Variants in CNTNAP4 observed in about 807,000 individuals in gnomAD.
CNTNAP4 encodes the protein contactin-associated protein-like 4.
A neutral mutation model predicts 148.4 loss-of-function variants in CNTNAP4; 98 were observed. The observed-to-expected ratio is 0.66, with a 90% CI of 0.56 to 0.78. CNTNAP4 has a LOEUF of 0.78. Among genes scored for constraint, CNTNAP4 ranks in the 30% least tolerant of loss-of-function variants. The pLI, the probability that CNTNAP4 is intolerant of heterozygous loss-of-function variation, is 0.00. For missense variants in CNTNAP4, 1,935 were observed against 1,565.6 expected, an observed-to-expected ratio of 1.24 and a Z score of -3.98; for synonymous variants, 730 against 565.1, an observed-to-expected ratio of 1.29 and a Z score of -4.14.
In CNTNAP4 at chr16:76,553,604, T is replaced by TTAAAGTTGG. The variant is rs2085062990; in HGVS notation, c.3661+105_3661+113dup. ...CAGGCTACCTTCTCAAGATGGCTTC[T>TTAAAGTTGG]TAAAGTTGGTTTTGTTTGTTTAGCT... On this transcript the variant is annotated intron_variant, in intron 22 of 23. Transcript: ENST00000611870. 7.0e-6 allele frequency: 6 copies of TTAAAGTTGG among 856,992 alleles called. No homozygotes were observed. The East Asian group carries it at 1.3e-4, about 19-fold the overall frequency. The allele number at this position is 856,992 out of a possible 1,614,324, so 53.1% of individuals were successfully genotyped here. A position where few individuals can be genotyped will look rare whatever the true frequency, so the allele number is the denominator to read the frequency against.
At chr16:76,331,069 T>C (rs917858652) in intron 2 of CNTNAP4, among the ~76,000 whole-genome samples, 6 of 152,222 alleles carry the variant, frequency 3.9e-5, no homozygotes, top group Non-Finnish European at 8.8e-5. Context: ...TTTCACAATT[T>C]TGTGAAATCA....
intron 17 of CNTNAP4, among the ~76,000 whole-genome samples, chr16:76,533,596 A>G (rs1464163585): frequency 6.6e-6 from 1 of 152,172 alleles, no homozygotes; most frequent in African/African-American, 2.4e-5. Flanking sequence ...AATATGAACA[A>G]TTATTATGTG....
At chr16:76,307,796 C>T (rs1000456238) in intron 1 of CNTNAP4, among the ~76,000 whole-genome samples, 1 of 152,208 alleles carries the variant, frequency 6.6e-6, no homozygotes, top group East Asian at 1.9e-4. Flanking sequence ...AATCAATCAG[C>T]CCCTGGCTGT....
At chr16:76,278,027 C>T (rs1958547049) in intron 1 of CNTNAP4, among the ~76,000 whole-genome samples, 1 of 152,180 alleles carries the variant, frequency 6.6e-6, no homozygotes, top group South Asian at 2.1e-4. Context: ...TCTAGTAAAA[C>T]ATGAAATTAG....
At chr16:76,486,337 A>T (rs2082024632) in intron 12 of CNTNAP4, among the ~76,000 whole-genome samples, 1 of 152,236 alleles carries the variant, frequency 6.6e-6, no homozygotes, top group South Asian at 2.1e-4. Context: ...TAATGAAGAA[A>T]TTGGAAAGAT....
intron 1 of CNTNAP4, among the ~76,000 whole-genome samples, chr16:76,286,232 G>A: frequency 7.1e-6 from 1 of 141,046 alleles, no homozygotes; most frequent in Non-Finnish European, 1.6e-5. Context: ...GATAACTGTG[G>A]GTGGGAATTG....
chr16:76,450,231 C>A (rs1427141876), intron 7 of CNTNAP4, among the ~76,000 whole-genome samples: 2 of 152,012 alleles, frequency 1.3e-5, no homozygotes, highest in Non-Finnish European at 2.9e-5. Flanking sequence ...CTCACTGCAG[C>A]CTCCGCCTCC....
intron 2 of CNTNAP4, among the ~76,000 whole-genome samples, chr16:76,319,515 A>G (rs928320262): frequency 1.3e-5 from 2 of 152,176 alleles, no homozygotes; most frequent in Non-Finnish European, 2.9e-5. Context: ...TAAAAGATTG[A>G]AATCCTAACC....
rs1408319514 is a variant in CNTNAP4 at position 76,559,421 on chromosome 16, A to T, written c.*738A>T. 6.6e-6 allele frequency among the ~76,000 whole-genome samples: 1 copy of T among 152,118 alleles called. No individual in the cohort carries two copies. The highest frequency in any genetic ancestry group is 1.9e-4 in the East Asian group (1 of 5,188). On this transcript the variant is annotated 3_prime_UTR_variant, in exon 24 of 24. Coordinates refer to ENST00000611870, the MANE Select transcript of CNTNAP4 (RefSeq NM_033401.5). ...TCTTTCCTTTTAAAAAAAGTTTTCC[A>T]ATTAATTTGCTACCATTGTTTGATG...
chr16:76,303,976 C>G (rs1960236157), intron 1 of CNTNAP4, among the ~76,000 whole-genome samples: 1 of 151,928 alleles, frequency 6.6e-6, no homozygotes, highest in Non-Finnish European at 1.5e-5. Context: ...ATCTACAAAA[C>G]TTTTATTCAG....
chr16:76,491,061 T>C (rs2082201906), intron 13 of CNTNAP4, among the ~76,000 whole-genome samples: 1 of 152,166 alleles, frequency 6.6e-6, no homozygotes, highest in Admixed American at 6.5e-5. Flanking sequence ...CGATTAAGTC[T>C]CTCTCTATTT....
At chr16:76,522,730 T>C (rs796990011) in intron 17 of CNTNAP4, among the ~76,000 whole-genome samples, 1,261 of 91,114 alleles carry the variant, frequency 0.014, 133 homozygotes, top group Admixed American at 0.04. Flanking sequence ...TCTTTTCTTT[T>C]CTTTTCTTTT....
chr16:76,467,917 A>C (rs1354650922), intron 10 of CNTNAP4, among the ~76,000 whole-genome samples: 1 of 152,174 alleles, frequency 6.6e-6, no homozygotes, highest in East Asian at 1.9e-4. Flanking sequence ...CAGTTATCAA[A>C]CTGGCATTTG....
chr16:76,382,674 A>G (rs1232696089), intron 3 of CNTNAP4, among the ~76,000 whole-genome samples: 1 of 152,202 alleles, frequency 6.6e-6, no homozygotes, highest in East Asian at 1.9e-4. Flanking sequence ...AGTTTGGTTT[A>G]TCAAAAAACC....
intron 3 of CNTNAP4, among the ~76,000 whole-genome samples, chr16:76,375,171 C>T (rs1173670028): frequency 6.6e-6 from 1 of 152,032 alleles, no homozygotes; most frequent in Admixed American, 6.6e-5. Flanking sequence ...CCTGTAATCC[C>T]AGCACTTTTG....
intron 2 of CNTNAP4, among the ~76,000 whole-genome samples, chr16:76,350,536 T>C (rs372442173): frequency 2.6e-5 from 4 of 152,314 alleles, no homozygotes; most frequent in South Asian, 2.1e-4. Context: ...AAATCTGATG[T>C]TGAAAAGTGG....
At chr16:76,299,240 A>G (rs1174545802) in intron 1 of CNTNAP4, among the ~76,000 whole-genome samples, 2 of 152,208 alleles carry the variant, frequency 1.3e-5, no homozygotes, top group Non-Finnish European at 2.9e-5. Context: ...AATTTTTGCA[A>G]CCTACTCATC....
At chr16:76,511,117 GTCTC>G (rs1379726869) in intron 15 of CNTNAP4, among the ~76,000 whole-genome samples, 1 of 152,070 alleles carries the variant, frequency 6.6e-6, no homozygotes, top group Non-Finnish European at 1.5e-5. Context: ...TCTGCTCTCA[GTCTC>G]TCTATCTGAG....
At chr16:76,469,149 C>T (rs2081280512) in intron 10 of CNTNAP4, among the ~76,000 whole-genome samples, 1 of 152,084 alleles carries the variant, frequency 6.6e-6, no homozygotes, top group South Asian at 2.1e-4. Context: ...CCATATTCAG[C>T]AATAAGAGTG....
Sources: gnomAD v4.1 joint callset for allele counts (sites outside exome capture counted in the v4.1 genomes callset) on GRCh38, gnomAD v4.1.1 for gene constraint, MANE v1.5 for transcripts, NCBI Gene and HGNC (gene_info 2026-07-23, HGNC 2026-07-21) for gene names.